Variants in SNAP91 observed in about 807,000 individuals in gnomAD.
SNAP91 encodes the protein clathrin coat assembly protein AP180.
A neutral mutation model predicts 100.3 loss-of-function variants in SNAP91; 27 were observed. The ratio of observed to expected loss-of-function variants is 0.27; its 90% confidence interval spans 0.20 to 0.37. The LOEUF is 0.37. Ranked by LOEUF, SNAP91 falls within the 10% of genes least tolerant of loss-of-function variation. The probability of loss-of-function intolerance (pLI) is 1.00; values close to 1 mark genes in which losing one functional copy is unlikely to be tolerated. For missense variants in SNAP91, 986 were observed against 1,123.7 expected (o/e 0.88, Z 1.75); for synonymous variants, 404 against 398.6 (o/e 1.01, Z -0.16).
intron 14 of SNAP91, among the ~76,000 whole-genome samples, chr6:83,602,045 T>C (rs1054713443): frequency 3.3e-5 from 5 of 152,236 alleles, no homozygotes; most frequent in African/African-American, 1.2e-4. Flanking sequence ...AAAGAAACTG[T>C]TTTCCCATGT....
chr6:83,594,398 C>G lies in SNAP91; in HGVS notation c.1408G>C (p.Ala470Pro). The change falls in exon 17 of 30, where the codon GCA (alanine) becomes CCA (proline). Residue 470 changes from alanine (A) to proline (P), a missense_variant. Ala to Pro is a conservative substitution (Grantham distance 27, BLOSUM62 -1). Around this residue, in one of 4 missense-constraint regions of SNAP91, gnomAD observed 575 missense variants for 579.9 expected, o/e 0.99. Transcript: ENST00000369694. ...CCATTTCCTGAACATGCATCAAGTG[C>G]TGCTGCTACAGGGGTTGGGGTAGCT... is the stretch of plus-strand genomic sequence containing the variant. ...APATPTPVAA[A>P]LDACSGNDPF... 6.4e-7 allele frequency: 1 copy of G among 1,553,342 alleles called. No homozygotes were observed. The highest frequency in any genetic ancestry group is 8.7e-7 in the Non-Finnish European group (1 of 1,147,682).
At chr6:83,637,596 C>A (rs1292320654) in intron 8 of SNAP91, among the ~76,000 whole-genome samples, 1 of 152,182 alleles carries the variant, frequency 6.6e-6, no homozygotes, top group Non-Finnish European at 1.5e-5. Context: ...TTGTTCCAAG[C>A]CTTCTGCTCT....
intron 24 of SNAP91, among the ~76,000 whole-genome samples, chr6:83,579,352 A>G (rs1163215090): frequency 2.0e-5 from 3 of 152,188 alleles, no homozygotes; most frequent in African/African-American, 2.4e-5. Context: ...CAGAGAAAGC[A>G]GTCACTTTGT....
chr6:83,644,028 T>C (rs1310430804), intron 7 of SNAP91, among the ~76,000 whole-genome samples: 2 of 152,204 alleles, frequency 1.3e-5, no homozygotes, highest in Non-Finnish European at 2.9e-5. Context: ...ACATACTTTT[T>C]GTTCTCTCTT....
intron 16 of SNAP91, among the ~76,000 whole-genome samples, chr6:83,600,480 G>T (rs1016529944): frequency 6.6e-6 from 1 of 152,138 alleles, no homozygotes; most frequent in East Asian, 1.9e-4. Flanking sequence ...ATCACTTGAC[G>T]TATGTGTTTG....
Position 83,619,541 on chromosome 6 carries a change from A to G in SNAP91, c.808-2502T>C, listed in dbSNP as rs540798556. Among the ~76,000 whole-genome samples the G allele has an allele frequency of 1.3e-3, 193 of 152,324 alleles. 1 individual carries two copies. The highest frequency in any genetic ancestry group is 4.4e-3 in the African/African-American group (183 of 41,590). ...CTTGTTTTTAAAAATGTCAAAGTCA[A>G]TAGACCAATCAGATGGGAACACCAA... On this transcript the variant is annotated intron_variant, in intron 9 of 29. Transcript: ENST00000369694.
rs201963429 is a variant in SNAP91 at position 83,706,363 on chromosome 6, T to C, written c.130+1435A>G. On this transcript the variant is annotated intron_variant, in intron 2 of 29. Coordinates refer to ENST00000369694, the MANE Select transcript of SNAP91 (RefSeq NM_001242792.2). ...AGCATGCTGCAGCAAAGTGATCTGG[T>C]CACAAATTTACAATTTCTACTTCTC... Among the ~76,000 whole-genome samples the C allele has an allele frequency of 1.4e-4, 21 of 152,352 alleles. No homozygotes were observed. In the East Asian group the frequency reaches 3.1e-3, roughly 22 times the overall value.
chr6:83,585,541 A>AAAACAAAAAAAAAAAAC (rs3037002), intron 22 of SNAP91, among the ~76,000 whole-genome samples: 3 of 147,890 alleles, frequency 2.0e-5, no homozygotes, highest in African/African-American at 7.4e-5. Flanking sequence ...AAAAAAAAAA[A>AAAACAAAAAAAAAAAAC]AAAAAGAAAG....
Position 83,575,020 on chromosome 6 carries a change from C to T in SNAP91, c.2432G>A (p.Ser811Asn), listed in dbSNP as rs757569225. 1 of 1,592,262 alleles carries T rather than the reference C, an allele frequency of 6.3e-7. No individual in the cohort carries two copies. Among genetic ancestry groups the T allele is most frequent in the Non-Finnish European group, 8.6e-7 (1 of 1,167,982 alleles). ...CTGATTGCTACATACCAAAGGTGCACTTGGTGGAACGCCTGCTGACCAGGT... is the reference window on the plus strand; with the variant it reads ...CTGATTGCTACATACCAAAGGTGCATTTGGTGGAACGCCTGCTGACCAGGT... ...PATWSAGVPP[S>N]APLQGAVPPT... is the part of the protein sequence containing the mutation. The change falls in exon 26 of 30, where the codon AGT becomes AAT. Residue 811 changes from serine to asparagine, a missense_variant. By Grantham distance (46) the Ser-to-Asn change is conservative. This residue lies in a region of SNAP91 where 575 missense variants were observed against 579.9 expected (regional missense o/e 0.99). Transcript: ENST00000369694.
At chr6:83,621,443 C>T (rs1165763660) in intron 9 of SNAP91, among the ~76,000 whole-genome samples, 5 of 152,110 alleles carry the variant, frequency 3.3e-5, no homozygotes, top group African/African-American at 9.7e-5. Context: ...CATAGAATAG[C>T]TTTCTAACAG....
chr6:83,636,845 C>T (rs1159941280), intron 8 of SNAP91, among the ~76,000 whole-genome samples: 1 of 152,046 alleles, frequency 6.6e-6, no homozygotes, highest in Non-Finnish European at 1.5e-5. Flanking sequence ...TTTGTTTTTA[C>T]ATTCTTTTTT....
intron 2 of SNAP91, among the ~76,000 whole-genome samples, chr6:83,688,140 A>C (rs1195572674): frequency 6.6e-6 from 1 of 152,084 alleles, no homozygotes; most frequent in East Asian, 1.9e-4. Flanking sequence ...TCTGCATCAG[A>C]ATTTCCTTTC....
At chr6:83,554,634 C>G (rs1265592598) in intron 29 of SNAP91, among the ~76,000 whole-genome samples, 1 of 152,020 alleles carries the variant, frequency 6.6e-6, no homozygotes, top group East Asian at 1.9e-4. Flanking sequence ...AAAAGGGCAG[C>G]TAAAGAAAAA....
intron 29 of SNAP91, 39 bp downstream of exon 29, chr6:83,556,104 A>G: frequency 3.4e-6 from 4 of 1,161,118 alleles, no homozygotes; most frequent in Non-Finnish European, 5.0e-6. Context: ...TGTATAGCTC[A>G]TTATTACAAG....
chr6:83,573,116 T>A (rs1233586607), intron 26 of SNAP91, among the ~76,000 whole-genome samples: 1 of 152,174 alleles, frequency 6.6e-6, no homozygotes. Flanking sequence ...CTGAGGGGCC[T>A]TAGATTTTTG....
In SNAP91 at chr6:83,643,758, T is replaced by C. The variant is rs58941954; in HGVS notation, c.659-2556A>G. On this transcript the variant is annotated intron_variant, in intron 7 of 29. Coordinates refer to ENST00000369694, the MANE Select transcript of SNAP91 (RefSeq NM_001242792.2). ...TTCATTACCTTCTGTTGACAGTCTT[T>C]GGGTAATTTTAACTTTTTACATGGA... Among the ~76,000 whole-genome samples the C allele has an allele frequency of 4.8e-3, 733 of 152,308 alleles. 3 individuals carry two copies. The highest frequency in any genetic ancestry group is 0.017 in the African/African-American group (697 of 41,570).
intron 9 of SNAP91, among the ~76,000 whole-genome samples, chr6:83,620,521 CA>C (rs2096670434): frequency 6.6e-6 from 1 of 152,182 alleles, no homozygotes; most frequent in South Asian, 2.1e-4. Flanking sequence ...TCATAACTGT[CA>C]GAGGTCTAAA....
intron 16 of SNAP91, among the ~76,000 whole-genome samples, chr6:83,600,073 T>G (rs2094987644): frequency 6.6e-6 from 1 of 152,222 alleles, no homozygotes; most frequent in African/African-American, 2.4e-5. Context: ...TGTGAGCCAC[T>G]GCGCCAGACC....
At chr6:83,580,422 G>GAAA (rs534887461) in intron 24 of SNAP91, 28 bp downstream of exon 24, 76 of 368,030 alleles carry the variant, frequency 2.1e-4, no homozygotes, top group Admixed American at 1.9e-3. Flanking sequence ...TTCAGTTAAA[G>GAAA]AAAAAAAAAA....
Sources: allele counts gnomAD v4.1 joint callset (sites outside exome capture counted in the v4.1 genomes callset), GRCh38; gene constraint gnomAD v4.1.1; regional missense constraint gnomAD v4.1.1; transcripts MANE v1.5; gene names NCBI Gene and HGNC (gene_info 2026-07-23, HGNC 2026-07-21).